The following MC5R variants were observed in gnomAD, a reference collection of about 807,000 sequenced individuals.
MC5R encodes the protein melanocortin receptor 5.
For missense variants in MC5R, 420 were observed against 431.4 expected, an observed-to-expected ratio of 0.97 and a Z score of 0.23; for synonymous variants, 167 against 164.4, an observed-to-expected ratio of 1.02 and a Z score of -0.12.
Position 13,825,987 on chromosome 18 carries a change from C to T in MC5R, c.222C>T (p.Phe74=), listed in dbSNP as rs528969248. ...NKNLHSPMYF[F]VCSLAVADML... is the part of the protein sequence containing the mutation. ...ACCTGCACTCCCCCATGTACTTCTT[C>T]GTGTGCAGCCTGGCAGTGGCGGACA... The change falls in exon 2 of 2, where the codon TTC becomes TTT. Residue 74 remains phenylalanine, a synonymous_variant. Transcript: ENST00000589410. 41 of 1,614,148 alleles carry T rather than the reference C, an allele frequency of 2.5e-5. No individual in the cohort carries two copies. Among genetic ancestry groups the T allele is most frequent in the African/African-American group, 2.1e-4 (16 of 75,030 alleles).
chr18:13,825,260 C>A (rs1172878363), intron 1 of MC5R, among the ~76,000 whole-genome samples: 1 of 152,034 alleles, frequency 6.6e-6, no homozygotes. Flanking sequence ...AACTTGAGCC[C>A]AGGAGAGAAG....
rs1339065506 is a variant in MC5R, at chr18:13,825,787, C to T, written c.22C>T (p.His8Tyr). MNSSFHL[H>Y]FLDLNLNATE... ...AGCAATGAATTCCTCATTTCACCTGCATTTCTTGGATCTCAACCTGAATGC... is the reference window on the plus strand; with the variant it reads ...AGCAATGAATTCCTCATTTCACCTGTATTTCTTGGATCTCAACCTGAATGC... The change falls in exon 2 of 2, where the codon CAT (histidine) becomes TAT (tyrosine). Residue 8 changes from histidine (H) to tyrosine (Y), a missense_variant. Physicochemically the swap from His to Tyr is moderately conservative, Grantham distance 83 (BLOSUM62 2). Transcript: ENST00000589410. The T allele has an allele frequency of 6.3e-7, 1 of 1,578,214 alleles. No individual in the cohort carries two copies. The highest frequency in any genetic ancestry group is 1.4e-5 in the African/African-American group (1 of 73,162).
In MC5R at chr18:13,826,532, TTCATC is replaced by T; in HGVS notation, c.771_775del (p.Leu258PhefsTer28). 1 of 1,614,016 alleles carries T rather than the reference TTCATC, an allele frequency of 6.2e-7. No individual in the cohort carries two copies. Among genetic ancestry groups the T allele is most frequent in the Non-Finnish European group, 8.5e-7 (1 of 1,179,904 alleles). On this transcript the variant is annotated frameshift_variant, in exon 2 of 2. Transcript: ENST00000589410. LOFTEE classifies it low-confidence loss of function (END_TRUNC). ...ACCGTGTGCTGGGCCCCGTTCTTCC[TTCATC>T]TCACTTTAATGCTTTCTTGCCCTCA... is the stretch of plus-strand genomic sequence containing the variant.
rs574392566 is a variant in MC5R at position 13,824,231 on chromosome 18, C to T, written c.-83C>T. 1 of 152,334 alleles carries T rather than the reference C, an allele frequency of 6.6e-6. No individual in the cohort carries two copies. Among genetic ancestry groups the T allele is most frequent in the South Asian group, 2.1e-4 (1 of 4,832 alleles). The allele number at this position is 152,334 out of a possible 1,614,324, so 9.4% of individuals were successfully genotyped here. A position where few individuals can be genotyped will look rare whatever the true frequency, so the allele number is the denominator to read the frequency against. ...CACGGCCGTCGGATCCCGGGGACGC[C>T]GGGGGCCCGGGCTGAGCGCCGCGGC... On this transcript the variant is annotated 5_prime_UTR_variant, in exon 1 of 2. Transcript: ENST00000589410.
In MC5R at chr18:13,826,766, G is replaced by A. The variant is rs769424072; in HGVS notation, c.*23G>A. 1.4e-5 allele frequency: 22 copies of A among 1,574,774 alleles called. No individual in the cohort carries two copies. Among genetic ancestry groups the A allele is most frequent in the Non-Finnish European group, 1.6e-5 (19 of 1,164,604 alleles). ...TAAGCACAAAGTGCTCCTCTCTGTG[G>A]CTCTGTTCTCCTTTGTTTGCTCACC... is the stretch of plus-strand genomic sequence containing the variant. On this transcript the variant is annotated 3_prime_UTR_variant, in exon 2 of 2. Transcript: ENST00000589410.
rs572834911 is a variant in MC5R at position 13,826,359 on chromosome 18, G to A, written c.594G>A (p.Leu198=). The A allele has an allele frequency of 1.9e-6, 3 of 1,614,022 alleles. No individual in the cohort carries two copies. Among genetic ancestry groups the A allele is most frequent in the Non-Finnish European group, 2.5e-6 (3 of 1,180,034 alleles). The change falls in exon 2 of 2, where the codon CTG becomes CTA. Residue 198 remains leucine, a synonymous_variant. Transcript: ENST00000589410. ...TCATCTCCATGTTCTTCGCTATGCTGTTCCTCCTGGTGTCTCTGTACATAC... is the reference window on the plus strand; with the variant it reads ...TCATCTCCATGTTCTTCGCTATGCTATTCCTCCTGGTGTCTCTGTACATAC... ...LCLISMFFAM[L]FLLVSLYIHM...
intron 1 of MC5R, among the ~76,000 whole-genome samples, chr18:13,824,573 G>A: frequency 6.6e-6 from 1 of 152,106 alleles, no homozygotes; most frequent in Non-Finnish European, 1.5e-5. Flanking sequence ...CATAGTGGTG[G>A]AGACTGGGCT....
Position 13,826,756 on chromosome 18 carries a change from C to A in MC5R, c.*13C>A. 6.3e-7 allele frequency: 1 copy of A among 1,590,562 alleles called. No individual in the cohort carries two copies. The highest frequency in any genetic ancestry group is 8.5e-7 in the Non-Finnish European group (1 of 1,170,498). ...CAGAAGGGATTAAGCACAAAGTGCT[C>A]CTCTCTGTGGCTCTGTTCTCCTTTG... On this transcript the variant is annotated 3_prime_UTR_variant, in exon 2 of 2. Coordinates refer to ENST00000589410, the MANE Select transcript of MC5R (RefSeq NM_005913.3).
chr18:13,827,305 G>T lies in MC5R; in HGVS notation c.*562G>T, dbSNP rs2044936596. The T allele has an allele frequency of 6.6e-6, 1 of 152,556 alleles. No homozygotes were observed. The highest frequency in any genetic ancestry group is 6.5e-5 in the Admixed American group (1 of 15,308). The allele number at this position is 152,556 out of a possible 1,614,324, so 9.5% of individuals were successfully genotyped here. A position where few individuals can be genotyped will look rare whatever the true frequency, so the allele number is the denominator to read the frequency against. On this transcript the variant is annotated 3_prime_UTR_variant, in exon 2 of 2. Coordinates refer to ENST00000589410, the MANE Select transcript of MC5R (RefSeq NM_005913.3). ...CCTGAACTTTTGATTCATGGCTTTT[G>T]TTCATAATTGTCTGAATAATTGTAC...
chr18:13,825,979 T>A lies in MC5R; in HGVS notation c.214T>A (p.Tyr72Asn). 6.2e-7 allele frequency: 1 copy of A among 1,614,182 alleles called. No homozygotes were observed. ...GAACAAAAACCTGCACTCCCCCATG[T>A]ACTTCTTCGTGTGCAGCCTGGCAGT... ...VKNKNLHSPM[Y>N]FFVCSLAVAD... The change falls in exon 2 of 2, where the codon TAC becomes AAC. Residue 72 changes from tyrosine (Y) to asparagine (N), a missense_variant. Coordinates refer to ENST00000589410, the MANE Select transcript of MC5R (RefSeq NM_005913.3).
At chr18:13,825,262 G>C (rs2044920642) in intron 1 of MC5R, among the ~76,000 whole-genome samples, 1 of 152,192 alleles carries the variant, frequency 6.6e-6, no homozygotes. Flanking sequence ...CTTGAGCCCA[G>C]GAGAGAAGCC....
In MC5R at chr18:13,826,524, G is replaced by A. The variant is rs1317294455; in HGVS notation, c.759G>A (p.Pro253=). The change falls in exon 2 of 2, where the codon CCG becomes CCA. Residue 253 remains proline (P), a synonymous_variant. Transcript: ENST00000589410. ...LLGVFTVCWA[P]FFLHLTLMLS... is the part of the protein sequence containing the mutation. ...GCGTGTTTACCGTGTGCTGGGCCCC[G>A]TTCTTCCTTCATCTCACTTTAATGC... The A allele has an allele frequency of 3.7e-6, 6 of 1,613,928 alleles. No individual in the cohort carries two copies. The highest frequency in any genetic ancestry group is 2.2e-5 in the South Asian group (2 of 91,060).
rs965775429 is a variant in MC5R, at chr18:13,824,168, T to G, written c.-146T>G. On this transcript the variant is annotated 5_prime_UTR_variant, in exon 1 of 2. Transcript: ENST00000589410. ...CCCCGCAGAGCCGCAGCCGCCTAGC[T>G]GGGGGAGAGGCCCGTCCGGGGCTGG... 2.0e-5 allele frequency: 3 copies of G among 151,570 alleles called. No individual in the cohort carries two copies. Among genetic ancestry groups the G allele is most frequent in the African/African-American group, 4.9e-5 (2 of 41,126 alleles). 9.4% of individuals were successfully genotyped at this position (151,570 alleles called of 1,614,324 possible). A position where few individuals can be genotyped will look rare whatever the true frequency, so the allele number is the denominator to read the frequency against.
Position 13,825,942 on chromosome 18 carries a change from G to C in MC5R, c.177G>C (p.Gly59=), listed in dbSNP as rs2044926228. Residue 59 remains glycine, a synonymous_variant, in exon 2 of 2, where the codon GGG becomes GGC. Coordinates refer to ENST00000589410, the MANE Select transcript of MC5R (RefSeq NM_005913.3). ...ISLLENILVI[G]AIVKNKNLHS... is the part of the protein sequence containing the mutation. ...TCTTGGAGAACATCTTGGTCATAGG[G>C]GCCATAGTGAAGAACAAAAACCTGC... 1 of 1,614,054 alleles carries C rather than the reference G, an allele frequency of 6.2e-7. No homozygotes were observed. Among genetic ancestry groups the C allele is most frequent in the Non-Finnish European group, 8.5e-7 (1 of 1,180,014 alleles).
Position 13,826,668 on chromosome 18 carries a change from G to T in MC5R, c.903G>T (p.Glu301Asp), listed in dbSNP as rs969612658. The T allele has an allele frequency of 6.2e-7, 1 of 1,614,092 alleles. No homozygotes were observed. Among genetic ancestry groups the T allele is most frequent in the Non-Finnish European group, 8.5e-7 (1 of 1,180,024 alleles). The change falls in exon 2 of 2, where the codon GAG (glutamate) becomes GAT (aspartate). Residue 301 changes from glutamate (E) to aspartate (D), a missense_variant. Coordinates refer to ENST00000589410, the MANE Select transcript of MC5R (RefSeq NM_005913.3). ...TCATATATGCCTTCCGCAGCCAAGA[G>T]ATGCGGAAGACCTTTAAGGAGATTA... ...DPLIYAFRSQ[E>D]MRKTFKEIIC...
In MC5R at chr18:13,825,835, C is replaced by A. The variant is rs780398950; in HGVS notation, c.70C>A (p.Pro24Thr). 2.0e-5 allele frequency: 32 copies of A among 1,612,764 alleles called. 2 individuals are homozygous for A. The South Asian group carries it at 3.5e-4, about 18-fold the overall frequency. Reference sequence around the variant, plus strand: ...TGCCACAGAGGGCAACCTTTCAGGACCCAATGTCAAAAACAAGTCTTCACC... The same window carrying A: ...TGCCACAGAGGGCAACCTTTCAGGAACCAATGTCAAAAACAAGTCTTCACC... ...LNATEGNLSG[P>T]NVKNKSSPCE... The change falls in exon 2 of 2, where the codon CCC becomes ACC. Residue 24 changes from proline (P) to threonine (T), a missense_variant. By Grantham distance (38) the Pro-to-Thr change is conservative. Transcript: ENST00000589410.
At position 13,826,609 on chromosome 18, in the gene MC5R, A is replaced by G. The variant is rs1441918587; in HGVS notation, c.844A>G (p.Ile282Val). 2 of 1,614,050 alleles carry G rather than the reference A, an allele frequency of 1.2e-6. No individual in the cohort carries two copies. Among genetic ancestry groups the G allele is most frequent in the South Asian group, 2.2e-5 (2 of 91,074 alleles). ...RFMSHFNMYLILIMCNSVMDP... is the reference protein window; with the variant it reads ...RFMSHFNMYLVLIMCNSVMDP... ...CATGTCTCACTTCAATATGTACCTCATACTCATCATGTGTAATTCCGTGAT... is the reference window on the plus strand; with the variant it reads ...CATGTCTCACTTCAATATGTACCTCGTACTCATCATGTGTAATTCCGTGAT... The change falls in exon 2 of 2, where the codon ATA (isoleucine) becomes GTA (valine). Residue 282 changes from isoleucine to valine, a missense_variant. Transcript: ENST00000589410.
In MC5R at chr18:13,827,049, T is replaced by G. The variant is rs1314786371; in HGVS notation, c.*306T>G. On this transcript the variant is annotated 3_prime_UTR_variant, in exon 2 of 2. Coordinates refer to ENST00000589410, the MANE Select transcript of MC5R (RefSeq NM_005913.3). ...ACCTAGCAGGCATGTGCTCGGGGAATGCACAGCACCCTCAGTGCAAGCCAG... is the reference window on the plus strand; with the variant it reads ...ACCTAGCAGGCATGTGCTCGGGGAAGGCACAGCACCCTCAGTGCAAGCCAG... 2 of 321,628 alleles carry G rather than the reference T, an allele frequency of 6.2e-6. No individual in the cohort carries two copies. Among genetic ancestry groups the G allele is most frequent in the African/African-American group, 4.3e-5 (2 of 46,926 alleles). 19.9% of individuals were successfully genotyped at this position (321,628 alleles called of 1,614,324 possible).
In MC5R at chr18:13,826,575, C is replaced by T. The variant is rs769766516; in HGVS notation, c.810C>T (p.Cys270=). 3.1e-6 allele frequency: 5 copies of T among 1,614,158 alleles called. No individual in the cohort carries two copies. The South Asian group carries it at 5.5e-5, about 18-fold the overall frequency. ...TTTCTTGCCCTCAGAACCTCTACTG[C>T]TCTCGCTTCATGTCTCACTTCAATA... is the stretch of plus-strand genomic sequence containing the variant. ...LMLSCPQNLY[C]SRFMSHFNMY... is the part of the protein sequence containing the mutation. The change falls in exon 2 of 2, where the codon TGC becomes TGT. Residue 270 remains cysteine, a synonymous_variant. Coordinates refer to ENST00000589410, the MANE Select transcript of MC5R (RefSeq NM_005913.3).
Sources: gnomAD v4.1 joint callset for allele counts (sites outside exome capture counted in the v4.1 genomes callset) on GRCh38, gnomAD v4.1.1 for gene constraint, MANE v1.5 for transcripts, NCBI Gene and HGNC (gene_info 2026-07-23, HGNC 2026-07-21) for gene names.